Variants in SNTG2 observed in about 807,000 individuals in gnomAD.
The protein encoded by SNTG2 is gamma-2-syntrophin.
A neutral mutation model predicts 70.9 loss-of-function variants in SNTG2; 74 were observed. The observed-to-expected ratio is 1.04, with a 90% CI of 0.86 to 1.27. The LOEUF (loss-of-function observed/expected upper bound fraction) is 1.27. SNTG2 is among the 50% of genes most tolerant of loss of function. The pLI, the probability that SNTG2 is intolerant of heterozygous loss-of-function variation, is 0.00. For synonymous variants in SNTG2, 278 were observed against 273.8 expected, an observed-to-expected ratio of 1.02 and a Z score of -0.15; for missense variants, 717 against 690.7, an observed-to-expected ratio of 1.04 and a Z score of -0.43.
chr2:982,721 A>T (rs11685784), intron 1 of SNTG2, among the ~76,000 whole-genome samples: 58,066 of 152,132 alleles, frequency 0.38, 11,412 homozygotes, highest in Middle Eastern at 0.47. Flanking sequence ...CTGGGCAGCT[A>T]TCTCTTCTCT....
At chr2:1,265,181 G>A (rs1335698408) in intron 13 of SNTG2, among the ~76,000 whole-genome samples, 1 of 152,172 alleles carries the variant, frequency 6.6e-6, no homozygotes, top group Non-Finnish European at 1.5e-5. Flanking sequence ...TGCACCATAA[G>A]GTCAATGATG....
chr2:1,329,755 G>T (rs1007951504), intron 16 of SNTG2, among the ~76,000 whole-genome samples: 9 of 152,178 alleles, frequency 5.9e-5, no homozygotes, highest in African/African-American at 2.2e-4. Context: ...TGTACGCATC[G>T]TGTGGGGGAG....
chr2:1,068,330 G>T (rs888891898), intron 1 of SNTG2: 1 of 152,118 alleles, frequency 6.6e-6, no homozygotes, highest in South Asian at 2.1e-4. Flanking sequence ...CCTCGGATCC[G>T]TTGAGTTTTC....
chr2:1,018,890 G>T (rs1363911901), intron 1 of SNTG2, among the ~76,000 whole-genome samples: 1 of 152,208 alleles, frequency 6.6e-6, no homozygotes, highest in Non-Finnish European at 1.5e-5. Flanking sequence ...TGTTTTCTGA[G>T]TGCTGCTGGG....
chr2:1,352,440 G>A (rs1660629855), intron 16 of SNTG2, among the ~76,000 whole-genome samples: 1 of 152,180 alleles, frequency 6.6e-6, no homozygotes, highest in Non-Finnish European at 1.5e-5. Flanking sequence ...CAGTGAGGCT[G>A]GGCCTGTGCA....
At chr2:1,093,601 A>G (rs1486561937) in intron 2 of SNTG2, among the ~76,000 whole-genome samples, 1 of 152,270 alleles carries the variant, frequency 6.6e-6, no homozygotes, top group Admixed American at 6.5e-5. Flanking sequence ...TGAAAACACA[A>G]ATTGGCTGAG....
chr2:1,222,424 T>A (rs771257388), intron 9 of SNTG2, among the ~76,000 whole-genome samples: 2 of 152,234 alleles, frequency 1.3e-5, no homozygotes, highest in Non-Finnish European at 2.9e-5. Flanking sequence ...GCTATCAGAG[T>A]TTGTGATGAA....
intron 1 of SNTG2, among the ~76,000 whole-genome samples, chr2:1,055,292 G>C (rs142035212): frequency 6.6e-6 from 1 of 152,366 alleles, no homozygotes; most frequent in African/African-American, 2.4e-5. Flanking sequence ...GGGCCGCTCT[G>C]CTCGGGGCTT....
chr2:983,606 C>T (rs958811635), intron 1 of SNTG2, among the ~76,000 whole-genome samples: 2 of 152,234 alleles, frequency 1.3e-5, no homozygotes, highest in African/African-American at 4.8e-5. Context: ...CCCACCTGCC[C>T]TTCTCCTGTT....
intron 4 of SNTG2, among the ~76,000 whole-genome samples, chr2:1,115,753 A>G (rs1159813297): frequency 1.3e-5 from 2 of 152,168 alleles, no homozygotes; most frequent in Non-Finnish European, 2.9e-5. Flanking sequence ...TTTGAGAAGG[A>G]TCGTGTGTAC....
chr2:1,133,555 G>A lies in SNTG2; in HGVS notation c.326-4067G>A, dbSNP rs149171729. 3.1e-3 allele frequency among the ~76,000 whole-genome samples: 475 copies of A among 152,286 alleles called. 1 individual carries two copies. Among genetic ancestry groups the A allele is most frequent in the Non-Finnish European group, 4.9e-3 (334 of 68,024 alleles). On this transcript the variant is annotated intron_variant, in intron 4 of 16. Coordinates refer to ENST00000308624, the MANE Select transcript of SNTG2 (RefSeq NM_018968.4). ...GAGGCAGTGGCTGTATTACCGTAGG[G>A]ATGAACTAGAATCACTTTTCAGCTA... is the stretch of plus-strand genomic sequence containing the variant.
intron 16 of SNTG2, among the ~76,000 whole-genome samples, chr2:1,333,824 CTA>C (rs1434774453): frequency 6.6e-6 from 1 of 152,128 alleles, no homozygotes; most frequent in African/African-American, 2.4e-5. Flanking sequence ...AGACCTGAAA[CTA>C]TAAAAATTCT....
chr2:1,268,532 T>G (rs1464119859), intron 14 of SNTG2, among the ~76,000 whole-genome samples: 4 of 152,212 alleles, frequency 2.6e-5, no homozygotes, highest in Non-Finnish European at 5.9e-5. Context: ...TTATTCTCAT[T>G]TATCCCAGGC....
chr2:1,069,498 AAAAAC>A (rs906570724), intron 1 of SNTG2, among the ~76,000 whole-genome samples: 8 of 151,844 alleles, frequency 5.3e-5, no homozygotes, highest in Non-Finnish European at 8.8e-5. Context: ...GGAAAAAAAA[AAAAAC>A]AAAAACAGGC....
At chr2:1,199,018 C>T (rs957945842) in intron 8 of SNTG2, among the ~76,000 whole-genome samples, 3 of 151,592 alleles carry the variant, frequency 2.0e-5, no homozygotes, top group Admixed American at 6.6e-5. Context: ...GGATTTTTTC[C>T]TAACTCATTC....
chr2:1,250,066 T>C (rs1420415246), intron 12 of SNTG2, among the ~76,000 whole-genome samples: 2 of 152,278 alleles, frequency 1.3e-5, no homozygotes, highest in African/African-American at 2.4e-5. Context: ...CACATTTCTA[T>C]GTGTCCAGGA....
At chr2:998,606 A>T (rs1247548133) in intron 1 of SNTG2, among the ~76,000 whole-genome samples, 1 of 152,028 alleles carries the variant, frequency 6.6e-6, no homozygotes. Context: ...AAGCATAAAA[A>T]AAAAATTTAA....
rs529464313 is a variant in SNTG2 at position 1,135,732 on chromosome 2, C to T, written c.326-1890C>T. Among the ~76,000 whole-genome samples the T allele has an allele frequency of 2.0e-5, 3 of 152,128 alleles. No homozygotes were observed. In the South Asian group the frequency reaches 6.2e-4, roughly 32 times the overall value. On this transcript the variant is annotated intron_variant, in intron 4 of 16. Coordinates refer to ENST00000308624, the MANE Select transcript of SNTG2 (RefSeq NM_018968.4). Reference sequence around the variant, plus strand: ...TGCAAGACTCTGTCTCAAAACAAAACAAAAAAACAAAGACATTATCTCCTG... The same window carrying T: ...TGCAAGACTCTGTCTCAAAACAAAATAAAAAAACAAAGACATTATCTCCTG...
rs563374514 is a variant in SNTG2, at chr2:1,081,080, AC to A, written c.73-2437del. On this transcript the variant is annotated intron_variant, in intron 1 of 16. Coordinates refer to ENST00000308624, the MANE Select transcript of SNTG2 (RefSeq NM_018968.4). ...CCAAGCCTCAGGGCCCTTCTCTTTT[AC>A]GGCAAACAGGTTGACTTTCCGCAGG... 1.6e-4 allele frequency among the ~76,000 whole-genome samples: 25 copies of A among 152,230 alleles called. No individual in the cohort carries two copies. The East Asian group carries it at 4.3e-3, about 26-fold the overall frequency.
Sources: allele counts gnomAD v4.1 joint callset (sites outside exome capture counted in the v4.1 genomes callset), GRCh38; gene constraint gnomAD v4.1.1; transcripts MANE v1.5; gene names NCBI Gene and HGNC (gene_info 2026-07-23, HGNC 2026-07-21).